Variants in SLC4A7 observed in about 807,000 individuals in gnomAD.
SLC4A7 encodes the protein sodium bicarbonate cotransporter 3.
SLC4A7 carries 51 observed loss-of-function variants against 137.6 expected under a neutral mutation model. The ratio of observed to expected loss-of-function variants is 0.37; its 90% CI spans 0.30 to 0.47. The LOEUF is 0.47. Among genes scored for constraint, SLC4A7 ranks in the 20% least tolerant of loss-of-function variants. The probability of loss-of-function intolerance (pLI) is 1.00; values close to 1 mark genes in which losing one functional copy is unlikely to be tolerated. For missense variants in SLC4A7, 1,247 were observed against 1,525.4 expected (o/e 0.82, Z 3.04); for synonymous variants, 542 against 518.6 (o/e 1.05, Z -0.61).
At chr3:27,442,083 C>A (rs1352492684) in intron 3 of SLC4A7, among the ~76,000 whole-genome samples, 1 of 151,828 alleles carries the variant, frequency 6.6e-6, no homozygotes, top group Admixed American at 6.6e-5. Flanking sequence ...ACCATGTTGG[C>A]CAGGCTGTTC....
chr3:27,444,816 T>G (rs1464150027), intron 3 of SLC4A7, among the ~76,000 whole-genome samples: 1 of 152,240 alleles, frequency 6.6e-6, no homozygotes, highest in Non-Finnish European at 1.5e-5. Flanking sequence ...TTTTGGCTCA[T>G]ATTTTCCTGC....
At chr3:27,475,052 GT>G (rs1484220908) in intron 1 of SLC4A7, among the ~76,000 whole-genome samples, 1 of 152,086 alleles carries the variant, frequency 6.6e-6, no homozygotes, top group Non-Finnish European at 1.5e-5. Flanking sequence ...GGAGGTTGCA[GT>G]GAGCCGAGAT....
chr3:27,483,997 C>A (rs1043127130), intron 1 of SLC4A7, 70 bp downstream of exon 1: 2 of 1,196,932 alleles, frequency 1.7e-6, no homozygotes, highest in Non-Finnish European at 2.1e-6. Context: ...CCCGCCGCGC[C>A]CCCCGCCTTT....
Position 27,418,475 on chromosome 3 carries a change from T to G in SLC4A7, c.1659+11A>C. ...AAAGTAAGTCACAGAAGAATAGCTC[T>G]GGATTCTTACCTGAGAAGGGACACT... is the stretch of plus-strand genomic sequence containing the variant. On this transcript the variant is annotated intron_variant, in intron 11 of 25. Coordinates refer to ENST00000454389, the MANE Select transcript of SLC4A7 (RefSeq NM_001321103.2). The G allele has an allele frequency of 6.3e-7, 1 of 1,596,988 alleles. No homozygotes were observed. Among genetic ancestry groups the G allele is most frequent in the African/African-American group, 1.3e-5 (1 of 74,204 alleles).
rs759151503 is a variant in SLC4A7 at position 27,448,770 on chromosome 3, T to C, written c.170A>G (p.His57Arg). The change falls in exon 3 of 26, where the codon CAC becomes CGC. Residue 57 changes from histidine to arginine, a missense_variant. This residue lies in a region of SLC4A7 where 176 missense variants were observed against 186.4 expected (regional missense o/e 0.94). Coordinates refer to ENST00000454389, the MANE Select transcript of SLC4A7 (RefSeq NM_001321103.2). ...ESHRAVYIGV[H>R]VPFSKESRRR... is the part of the protein sequence containing the mutation. ...ACGACTCTCTTTACTAAACGGGACG[T>C]GAACACCAATATATACAGCTCTATG... 1 of 1,613,286 alleles carries C rather than the reference T, an allele frequency of 6.2e-7. No homozygotes were observed. The highest frequency in any genetic ancestry group is 1.7e-5 in the Admixed American group (1 of 59,940).
At chr3:27,383,069 T>A in intron 24 of SLC4A7, 84 bp downstream of exon 24, 1 of 801,896 alleles carries the variant, frequency 1.2e-6, no homozygotes, top group Non-Finnish European at 2.1e-6. Context: ...AAAATAGAAA[T>A]CATCACTTTA....
At chr3:27,415,035 CCAAGGTT>C (rs1209097455) in intron 11 of SLC4A7, among the ~76,000 whole-genome samples, 1 of 152,146 alleles carries the variant, frequency 6.6e-6, no homozygotes, top group Non-Finnish European at 1.5e-5. Context: ...TCCTTGCTTT[CCAAGGTT>C]CTCTTCCACA....
At chr3:27,482,751 G>A (rs1238183167) in intron 1 of SLC4A7, among the ~76,000 whole-genome samples, 9 of 151,988 alleles carry the variant, frequency 5.9e-5, no homozygotes, top group Non-Finnish European at 1.0e-4. Flanking sequence ...CAGCCTGGGC[G>A]ACAGAGCGAG....
chr3:27,399,382 TTAACAAAAATGACTTTTTAAATA>T (rs2052526735), intron 16 of SLC4A7, among the ~76,000 whole-genome samples: 1 of 152,210 alleles, frequency 6.6e-6, no homozygotes, highest in South Asian at 2.1e-4. Context: ...CACCTCTTCC[TTAACAAAAATGACTTTTTAAATA>T]TAAAATAGTA....
At chr3:27,402,016 G>A (rs1307300206) in intron 15 of SLC4A7, among the ~76,000 whole-genome samples, 2 of 152,186 alleles carry the variant, frequency 1.3e-5, no homozygotes, top group Non-Finnish European at 2.9e-5. Context: ...TCAAAGTTGA[G>A]AGTGTGCAAG....
chr3:27,380,965 A>G (rs1471652160), intron 24 of SLC4A7, among the ~76,000 whole-genome samples: 1 of 152,250 alleles, frequency 6.6e-6, no homozygotes, highest in Non-Finnish European at 1.5e-5. Context: ...GAAATTAGAT[A>G]GGAAAAAATT....
chr3:27,468,797 A>G (rs1201562533), intron 1 of SLC4A7, among the ~76,000 whole-genome samples: 2 of 152,186 alleles, frequency 1.3e-5, no homozygotes, highest in African/African-American at 4.8e-5. Flanking sequence ...CATTTCTGGT[A>G]CAATATAAGC....
In SLC4A7 at chr3:27,387,194, T is replaced by G. The variant is rs552190917; in HGVS notation, c.3361-1171A>C. On this transcript the variant is annotated intron_variant, in intron 22 of 25. Coordinates refer to ENST00000454389, the MANE Select transcript of SLC4A7 (RefSeq NM_001321103.2). ...GTAGATGGCAAAGCAAAGCCCTCTA[T>G]GCTCAATCCTAGCCAGGAATCCTTC... 2.0e-5 allele frequency among the ~76,000 whole-genome samples: 3 copies of G among 152,370 alleles called. No individual in the cohort carries two copies. The South Asian group carries it at 6.2e-4, about 32-fold the overall frequency.
chr3:27,391,510 TC>T (rs1254716949), intron 21 of SLC4A7, among the ~76,000 whole-genome samples: 4 of 152,280 alleles, frequency 2.6e-5, no homozygotes, highest in Middle Eastern at 3.4e-3. Flanking sequence ...TTCATTGGCT[TC>T]AATTAAAAAC....
At position 27,473,480 on chromosome 3, in the gene SLC4A7, G is replaced by A. The variant is rs540966482; in HGVS notation, c.60+10587C>T. 2.6e-5 allele frequency among the ~76,000 whole-genome samples: 4 copies of A among 151,914 alleles called. No homozygotes were observed. In the South Asian group the frequency reaches 8.3e-4, roughly 32 times the overall value. On this transcript the variant is annotated intron_variant, in intron 1 of 25. Coordinates refer to ENST00000454389, the MANE Select transcript of SLC4A7 (RefSeq NM_001321103.2). ...TGCCCATAATCCCAGCACTTTGGGA[G>A]GTCAAGGTAGGCGGATCACTTGAGC... is the stretch of plus-strand genomic sequence containing the variant.
chr3:27,484,291 G>A lies in SLC4A7; in HGVS notation c.-165C>T, dbSNP rs2059849567. On this transcript the variant is annotated 5_prime_UTR_variant, in exon 1 of 26. Transcript: ENST00000454389. ...GCGTGGGGAGAGCCGGGCGCCGGGC[G>A]CGGGAGACGCGGGGCGTGCGTGTGC... 1 of 418,664 alleles carries A rather than the reference G, an allele frequency of 2.4e-6. No homozygotes were observed. Among genetic ancestry groups the A allele is most frequent in the Admixed American group, 4.7e-5 (1 of 21,214 alleles). 25.9% of individuals were successfully genotyped at this position (418,664 alleles called of 1,614,324 possible). A position where few individuals can be genotyped will look rare whatever the true frequency, so the allele number is the denominator to read the frequency against.
Position 27,375,792 on chromosome 3 carries a change from T to C in SLC4A7, c.*972A>G, listed in dbSNP as rs2049862756. 6.6e-6 allele frequency: 1 copy of C among 152,034 alleles called. No homozygotes were observed. The highest frequency in any genetic ancestry group is 1.5e-5 in the Non-Finnish European group (1 of 67,852). The allele number at this position is 152,034 out of a possible 1,614,324, so 9.4% of individuals were successfully genotyped here. On this transcript the variant is annotated 3_prime_UTR_variant, in exon 26 of 26. Coordinates refer to ENST00000454389, the MANE Select transcript of SLC4A7 (RefSeq NM_001321103.2). The stretch of plus-strand genomic sequence containing the variant: ...GTGAAAGAATAACATAAAGAGAAAA[T>C]GAAAGGTAATTCTTAATAAAGTAAT...
intron 3 of SLC4A7, among the ~76,000 whole-genome samples, chr3:27,447,016 G>A (rs765982359): frequency 2.0e-5 from 3 of 150,896 alleles, no homozygotes; most frequent in Non-Finnish European, 4.4e-5. Context: ...CCAAATAGGT[G>A]GGATTACAGG....
Position 27,447,339 on chromosome 3 carries a change from T to G in SLC4A7, c.289+1312A>C, listed in dbSNP as rs76736320. On this transcript the variant is annotated intron_variant, in intron 3 of 25. Coordinates refer to ENST00000454389, the MANE Select transcript of SLC4A7 (RefSeq NM_001321103.2). The stretch of plus-strand genomic sequence containing the variant: ...AACATAAGACCATTTGTCTAGGGCT[T>G]GGTAGAATGTTTAGACACAGAATTT... Among the ~76,000 whole-genome samples, 20 of 152,310 alleles carry G rather than the reference T, an allele frequency of 1.3e-4. No homozygotes were observed. The East Asian group carries it at 3.7e-3, about 28-fold the overall frequency.
Sources: gnomAD v4.1 joint callset for allele counts (sites outside exome capture counted in the v4.1 genomes callset) on GRCh38, gnomAD v4.1.1 for gene constraint, gnomAD v4.1.1 regional missense constraint, MANE v1.5 for transcripts, NCBI Gene and HGNC (gene_info 2026-07-23, HGNC 2026-07-21) for gene names.